The following RUVBL1 variants were observed in gnomAD, a reference collection of about 807,000 sequenced individuals.
The protein encoded by RUVBL1 is RuvB like AAA ATPase 1.
RUVBL1 carries 4 observed loss-of-function variants against 52.4 expected under a neutral mutation model. The observed-to-expected ratio is 0.08, with a 90% confidence interval of 0.04 to 0.17. The LOEUF is 0.17. RUVBL1 is among the 10% of genes least tolerant of loss of function. The probability of loss-of-function intolerance (pLI) is 1.00; values close to 1 mark genes in which losing one functional copy is unlikely to be tolerated. For synonymous variants in RUVBL1, 217 were observed against 214.4 expected, an observed-to-expected ratio of 1.01 and a Z score of -0.10; for missense variants, 298 against 572.8, an observed-to-expected ratio of 0.52 and a Z score of 4.90.
In RUVBL1 at chr3:128,114,602, G is replaced by A. The variant is rs1373674489; in HGVS notation, c.229-1582C>T. On this transcript the variant is annotated intron_variant, in intron 2 of 10. Coordinates refer to ENST00000322623, the MANE Select transcript of RUVBL1 (RefSeq NM_003707.3). Reference sequence around the variant, plus strand: ...CAGTCTCATGGTGACCTTCAGCAAGGCCGAGCACCTGGGGCTCAAGGCAGA... The same window carrying A: ...CAGTCTCATGGTGACCTTCAGCAAGACCGAGCACCTGGGGCTCAAGGCAGA... Among the ~76,000 whole-genome samples, 22 of 152,042 alleles carry A rather than the reference G, an allele frequency of 1.4e-4. 1 individual carries two copies.
rs573613055 is a variant in RUVBL1 at position 128,093,106 on chromosome 3, C to T, written c.1016+4194G>A. Among the ~76,000 whole-genome samples the T allele has an allele frequency of 4.2e-4, 64 of 152,108 alleles. 1 individual carries two copies. The highest frequency in any genetic ancestry group is 7.6e-4 in the Non-Finnish European group (52 of 68,022). ...CATAATAACCCAACAACCCAATGTC[C>T]ATCAACTAATGAATGGTTAAATAAG... On this transcript the variant is annotated intron_variant, in intron 8 of 10. Transcript: ENST00000322623.
intron 9 of RUVBL1, among the ~76,000 whole-genome samples, chr3:128,074,714 C>T (rs930355441): frequency 1.3e-5 from 2 of 151,772 alleles, no homozygotes; most frequent in African/African-American, 2.4e-5. Context: ...TGGTGGCATG[C>T]GCTTATAATC....
chr3:128,076,445 C>T (rs1942328740), downstream of RUVBL1, among the ~76,000 whole-genome samples: 1 of 152,182 alleles, frequency 6.6e-6, no homozygotes, highest in East Asian at 1.9e-4. The surrounding 1 kb of genome is among the most constrained non-coding windows in gnomAD (Gnocchi z 6.8). Context: ...GGGTGGGGAA[C>T]CTGGGATTTA....
At chr3:128,073,091 C>A (rs1942215404) in intron 9 of RUVBL1, among the ~76,000 whole-genome samples, 1 of 152,128 alleles carries the variant, frequency 6.6e-6, no homozygotes, top group Non-Finnish European at 1.5e-5. Context: ...CACTTAGCTC[C>A]CGAGCCAGGA....
intron 1 of RUVBL1, among the ~76,000 whole-genome samples, chr3:128,150,318 G>A (rs2107740346): frequency 6.6e-6 from 1 of 152,078 alleles, no homozygotes; most frequent in Non-Finnish European, 1.5e-5. Flanking sequence ...TCTCTAGAGG[G>A]ACAGAACTAA....
At chr3:128,132,902 C>T (rs182768332) in intron 1 of RUVBL1, among the ~76,000 whole-genome samples, 3 of 152,204 alleles carry the variant, frequency 2.0e-5, no homozygotes, top group Non-Finnish European at 4.4e-5. Context: ...TGGACACCAC[C>T]TCAGCCACAG....
intron 1 of RUVBL1, among the ~76,000 whole-genome samples, chr3:128,144,430 T>C (rs1405383081): frequency 3.3e-5 from 5 of 152,204 alleles, no homozygotes; most frequent in African/African-American, 4.8e-5. Context: ...CGCATTAACA[T>C]GAAGAACAAA....
chr3:128,145,481 A>G (rs1025565620), intron 1 of RUVBL1, among the ~76,000 whole-genome samples: 1 of 152,244 alleles, frequency 6.6e-6, no homozygotes, highest in African/African-American at 2.4e-5. Flanking sequence ...GAGGTAGCCA[A>G]TCCAGCCCCC....
Position 128,153,818 on chromosome 3 carries a change from T to A in RUVBL1, c.-655A>T. Reference sequence around the variant, plus strand: ...CACGCCTCCCTCATCCGGACCATCATCGGCGGTGAGCGCGGGCCGGGGCGG... The same window carrying A: ...CACGCCTCCCTCATCCGGACCATCAACGGCGGTGAGCGCGGGCCGGGGCGG... On this transcript the variant is annotated 5_prime_UTR_variant, in exon 1 of 10. Coordinates refer to the RUVBL1 transcript ENST00000464873. The A allele has an allele frequency of 6.6e-7, 1 of 1,505,622 alleles. No individual in the cohort carries two copies. The highest frequency in any genetic ancestry group is 8.8e-7 in the Non-Finnish European group (1 of 1,133,750). 93.3% of individuals were successfully genotyped at this position (1,505,622 alleles called of 1,614,324 possible).
intron 2 of RUVBL1, among the ~76,000 whole-genome samples, chr3:128,117,797 T>C (rs138602491): frequency 2.2e-4 from 33 of 152,076 alleles, no homozygotes; most frequent in African/African-American, 6.7e-4. Context: ...GCATTAAGCA[T>C]GATAAACAAA....
chr3:128,148,719 C>A (rs962354643), intron 1 of RUVBL1, among the ~76,000 whole-genome samples: 1 of 152,172 alleles, frequency 6.6e-6, no homozygotes, highest in African/African-American at 2.4e-5. Flanking sequence ...CCTTGTAGGG[C>A]TATTCTGTAC....
exon 1 of RUVBL1, chr3:128,153,713 C>T: frequency 8.2e-6 from 13 of 1,586,482 alleles, no homozygotes; most frequent in Non-Finnish European, 1.0e-5. Flanking sequence ...TCGTCTTTGC[C>T]CGAGTTCCAG....
intron 1 of RUVBL1, among the ~76,000 whole-genome samples, chr3:128,150,742 T>C (rs1161633929): frequency 1.7e-5 from 2 of 115,822 alleles, no homozygotes; most frequent in Admixed American, 1.1e-4. Context: ...ATATATTCTA[T>C]ATTATATATT....
chr3:128,145,848 T>G (rs1487727812), intron 1 of RUVBL1, among the ~76,000 whole-genome samples: 1 of 152,226 alleles, frequency 6.6e-6, no homozygotes, highest in Non-Finnish European at 1.5e-5. Context: ...TGCCAATGTA[T>G]TTCAAGTAAA....
At chr3:128,112,765 G>A (rs1943425054) in intron 3 of RUVBL1, 123 bp downstream of exon 3, 2 of 1,126,564 alleles carry the variant, frequency 1.8e-6, no homozygotes, top group Admixed American at 2.4e-5. Context: ...ACTACTAAGT[G>A]CCAAAAGAAA....
At chr3:128,087,649 C>G in intron 9 of RUVBL1, 57 bp downstream of exon 9, 1 of 1,391,042 alleles carries the variant, frequency 7.2e-7, no homozygotes, top group Non-Finnish European at 1.0e-6. Context: ...GCACAGCCAC[C>G]AGTGAACACT....
chr3:128,141,481 CT>C (rs1345707156), intron 1 of RUVBL1, among the ~76,000 whole-genome samples: 2 of 150,748 alleles, frequency 1.3e-5, no homozygotes, highest in African/African-American at 2.4e-5. Flanking sequence ...AAGACATGGA[CT>C]TTTTTTCTTT....
chr3:128,087,091 G>C (rs1334995792), intron 9 of RUVBL1, among the ~76,000 whole-genome samples: 1 of 152,248 alleles, frequency 6.6e-6, no homozygotes, highest in Admixed American at 6.5e-5. Flanking sequence ...AAGCCCTCAA[G>C]GACTCTATTG....
Position 128,104,786 on chromosome 3 carries a change from G to A in RUVBL1, c.500C>T (p.Thr167Ile). The A allele has an allele frequency of 6.2e-7, 1 of 1,609,312 alleles. No homozygotes were observed. Among genetic ancestry groups the A allele is most frequent in the Non-Finnish European group, 8.5e-7 (1 of 1,176,022 alleles). ...VIIGLKTAKG[T>I]KQLKLDPSIF... is the part of the protein sequence containing the mutation. ...ACATGTACTCACTTTCAACTGTTTG[G>A]TTCCTTTGGCTGTTTTGAGTCCTAT... The change falls in exon 4 of 11, where the codon ACC (threonine) becomes ATC (isoleucine). Residue 167 changes from threonine (T) to isoleucine (I), a missense_variant. Coordinates refer to ENST00000322623, the MANE Select transcript of RUVBL1 (RefSeq NM_003707.3).
Sources: gnomAD v4.1 joint callset for allele counts (sites outside exome capture counted in the v4.1 genomes callset) on GRCh38, gnomAD v4.1.1 for gene constraint, Gnocchi (gnomAD v3.1) non-coding constraint, MANE v1.5 for transcripts, NCBI Gene and HGNC (gene_info 2026-07-23, HGNC 2026-07-21) for gene names.